DLG2: variants seen among roughly 807,000 people sequenced by gnomAD.
DLG2 encodes the protein disks large homolog 2.
DLG2 carries 45 observed loss-of-function variants against 132.5 expected under a neutral mutation model. The ratio of observed to expected loss-of-function variants is 0.34; its 90% CI spans 0.27 to 0.44. DLG2 has a LOEUF of 0.44. Ranked by LOEUF, DLG2 falls within the 20% of genes least tolerant of loss-of-function variation. The pLI, the probability that DLG2 is intolerant of heterozygous loss-of-function variation, is 1.00. For missense variants in DLG2, 1,045 were observed against 1,196.9 expected (o/e 0.87, Z 1.87); for synonymous variants, 424 against 419.6 (o/e 1.01, Z -0.13).
At chr11:85,505,248 C>A (rs1413405155) in intron 3 of DLG2, among the ~76,000 whole-genome samples, 1 of 152,186 alleles carries the variant, frequency 6.6e-6, no homozygotes, top group East Asian at 1.9e-4. Context: ...CCAGAACTTC[C>A]AACACTATGT....
intron 6 of DLG2, chr11:85,021,227 G>C (rs2060036926): frequency 1.6e-6 from 2 of 1,267,512 alleles, no homozygotes; most frequent in Non-Finnish European, 1.2e-6. Context: ...CGTTTCGAGG[G>C]CACTACAGCC....
chr11:83,913,985 T>C (rs747386634), intron 15 of DLG2, among the ~76,000 whole-genome samples: 6 of 152,070 alleles, frequency 3.9e-5, no homozygotes, highest in Admixed American at 3.3e-4. Flanking sequence ...GTGATTCTAG[T>C]TGGATGTAGA....
At chr11:84,478,310 T>C (rs960609640) in intron 7 of DLG2, among the ~76,000 whole-genome samples, 2 of 152,158 alleles carry the variant, frequency 1.3e-5, no homozygotes, top group African/African-American at 4.8e-5. Context: ...AATAAACAAT[T>C]ATTTTTCTAT....
At chr11:84,194,234 G>T (rs111700074) in intron 8 of DLG2, among the ~76,000 whole-genome samples, 144 of 152,144 alleles carry the variant, frequency 9.5e-4, no homozygotes, top group African/African-American at 3.4e-3. Context: ...GTGGGTTCTT[G>T]GTCTCGCTGA....
At chr11:83,833,793 C>A in intron 16 of DLG2, 23 bp from the exon 17 acceptor site, 1 of 1,611,520 alleles carries the variant, frequency 6.2e-7, no homozygotes, top group Non-Finnish European at 8.5e-7. Flanking sequence ...ATAGAGAACA[C>A]AGCTCAGAGG....
chr11:84,999,380 T>G (rs2057998391), intron 6 of DLG2, among the ~76,000 whole-genome samples: 1 of 152,172 alleles, frequency 6.6e-6, no homozygotes, highest in Non-Finnish European at 1.5e-5. Flanking sequence ...AAAGTTGACT[T>G]GTTTAAAACC....
intron 6 of DLG2, among the ~76,000 whole-genome samples, chr11:84,829,754 T>C (rs2078786875): frequency 6.6e-6 from 1 of 151,640 alleles, no homozygotes; most frequent in African/African-American, 2.4e-5. Flanking sequence ...CTTCAATAAG[T>C]GCTAGTTAAA....
At chr11:85,473,218 T>A (rs2093040694) in intron 3 of DLG2, among the ~76,000 whole-genome samples, 2 of 152,226 alleles carry the variant, frequency 1.3e-5, no homozygotes, top group Non-Finnish European at 2.9e-5. Flanking sequence ...AAGCACAGCC[T>A]GCTGGGCTGA....
chr11:84,813,969 A>T (rs1018733238), intron 6 of DLG2, among the ~76,000 whole-genome samples: 6 of 152,128 alleles, frequency 3.9e-5, no homozygotes, highest in Non-Finnish European at 8.8e-5. Flanking sequence ...AGAAAGGAAA[A>T]GAAAATACAT....
At chr11:84,813,871 C>G (rs1016352863) in intron 6 of DLG2, among the ~76,000 whole-genome samples, 3 of 152,092 alleles carry the variant, frequency 2.0e-5, no homozygotes, top group African/African-American at 7.2e-5. Flanking sequence ...CCTCCCTCTA[C>G]ACCTCTCACT....
chr11:85,158,173 A>G (rs1199424366), intron 4 of DLG2, among the ~76,000 whole-genome samples: 2 of 152,232 alleles, frequency 1.3e-5, no homozygotes, highest in Non-Finnish European at 2.9e-5. Flanking sequence ...TTATATAAAC[A>G]GAAATCTGAA....
intron 3 of DLG2, among the ~76,000 whole-genome samples, chr11:85,441,776 T>C (rs1051304182): frequency 6.6e-6 from 1 of 152,106 alleles, no homozygotes; most frequent in Non-Finnish European, 1.5e-5. Flanking sequence ...CCTGAGGATA[T>C]AAAAATGAAT....
At chr11:84,225,274 C>T (rs761109339) in intron 8 of DLG2, among the ~76,000 whole-genome samples, 11 of 152,166 alleles carry the variant, frequency 7.2e-5, no homozygotes, top group African/African-American at 2.4e-4. Flanking sequence ...GTTTTCTATG[C>T]ATTCCCTTAT....
At chr11:84,733,838 T>C (rs2063476471) in intron 6 of DLG2, among the ~76,000 whole-genome samples, 1 of 152,210 alleles carries the variant, frequency 6.6e-6, no homozygotes, top group African/African-American at 2.4e-5. Flanking sequence ...AGGGATCCAG[T>C]TTCAGCTTTC....
chr11:85,257,979 T>C (rs1218390705), intron 4 of DLG2, among the ~76,000 whole-genome samples: 2 of 152,158 alleles, frequency 1.3e-5, no homozygotes, highest in African/African-American at 2.4e-5. Context: ...CCTGGCTCTA[T>C]AGAAGAAGAG....
intron 4 of DLG2, among the ~76,000 whole-genome samples, chr11:85,165,549 A>G (rs1594991652): frequency 6.6e-6 from 1 of 152,208 alleles, no homozygotes. Flanking sequence ...TGAAATGACC[A>G]GTCTGCTTTT....
chr11:84,495,473 G>T (rs980438422), intron 7 of DLG2, among the ~76,000 whole-genome samples: 2 of 151,990 alleles, frequency 1.3e-5, no homozygotes, highest in African/African-American at 4.8e-5. Context: ...CATTTTACAT[G>T]TATGTCTCCT....
chr11:85,207,417 T>C (rs112844595), intron 4 of DLG2, among the ~76,000 whole-genome samples: 3,713 of 152,346 alleles, frequency 0.024, 68 homozygotes, highest in Non-Finnish European at 0.039. Context: ...ATCCAATTTA[T>C]CTTTCAAGCT....
intron 16 of DLG2, among the ~76,000 whole-genome samples, chr11:83,855,645 A>T (rs1335421841): frequency 6.6e-6 from 1 of 152,230 alleles, no homozygotes; most frequent in African/African-American, 2.4e-5. Flanking sequence ...TAATAAAATC[A>T]GTAGTTGATG....
Sources: allele counts gnomAD v4.1 joint callset (sites outside exome capture counted in the v4.1 genomes callset), GRCh38; gene constraint gnomAD v4.1.1; transcripts MANE v1.5; gene names NCBI Gene and HGNC (gene_info 2026-07-23, HGNC 2026-07-21).